The following LRRC7 variants were observed in gnomAD, a reference collection of about 807,000 sequenced individuals.
LRRC7 encodes leucine rich repeat containing 7, also known as leucine-rich repeat-containing protein 7.
A neutral mutation model predicts 175.7 loss-of-function variants in LRRC7; 23 were observed. The observed-to-expected ratio is 0.13, with a 90% CI of 0.09 to 0.19. LRRC7 has a LOEUF of 0.19. LRRC7 is among the 10% of genes least tolerant of loss of function. The pLI is 1.00. For synonymous variants in LRRC7, 685 were observed against 680.9 expected (o/e 1.01, Z -0.09); for missense variants, 1,354 against 1,904.7 (o/e 0.71, Z 5.38).
intron 26 of LRRC7, among the ~76,000 whole-genome samples, chr1:70,118,228 G>C (rs914021778): frequency 3.9e-5 from 6 of 152,014 alleles, no homozygotes; most frequent in African/African-American, 1.4e-4. Flanking sequence ...CAAGATGTAA[G>C]CCTGATAACC....
At chr1:69,831,602 A>G (rs971438889) in intron 5 of LRRC7, among the ~76,000 whole-genome samples, 3 of 152,130 alleles carry the variant, frequency 2.0e-5, no homozygotes, top group Middle Eastern at 3.4e-3. Context: ...TTACCTCTAC[A>G]TTATAAAAAC....
chr1:69,589,257 A>G (rs1346563992), intron 1 of LRRC7, among the ~76,000 whole-genome samples: 1 of 151,740 alleles, frequency 6.6e-6, no homozygotes, highest in African/African-American at 2.4e-5. Flanking sequence ...GAGGTGTCCA[A>G]CCACTGGATC....
chr1:69,636,766 T>G (rs895090075), intron 1 of LRRC7, among the ~76,000 whole-genome samples: 3 of 152,030 alleles, frequency 2.0e-5, no homozygotes, highest in African/African-American at 7.2e-5. Flanking sequence ...CATGTTGAAG[T>G]GGTTGTATTA....
At chr1:69,892,358 A>T (rs1357048000) in intron 7 of LRRC7, among the ~76,000 whole-genome samples, 2 of 152,212 alleles carry the variant, frequency 1.3e-5, no homozygotes, top group African/African-American at 2.4e-5. Flanking sequence ...ACTCTTAAAG[A>T]TTACCTATGT....
chr1:69,811,362 T>C (rs11209548), intron 4 of LRRC7, among the ~76,000 whole-genome samples: 82,333 of 151,950 alleles, frequency 0.54, 22,896 homozygotes, highest in African/African-American at 0.67. Flanking sequence ...GACAGTGTGG[T>C]GATTCCTCAA....
intron 2 of LRRC7, among the ~76,000 whole-genome samples, chr1:69,704,052 A>G (rs942397153): frequency 6.6e-5 from 10 of 152,034 alleles, no homozygotes; most frequent in Non-Finnish European, 2.9e-5. Context: ...AAGAAAATTT[A>G]TAAACTATAC....
At chr1:69,737,014 C>G (rs1668189270) in intron 2 of LRRC7, among the ~76,000 whole-genome samples, 1 of 152,042 alleles carries the variant, frequency 6.6e-6, no homozygotes, top group Non-Finnish European at 1.5e-5. Context: ...CTGCCAGTGC[C>G]AAACTCAAAT....
Position 69,568,276 on chromosome 1 carries a change from G to A in LRRC7, c.-364G>A. ...GGGGCGGGGAGGGAGCTGCGCCTCC[G>A]CCACCGCCGCCGCCGCCGCCGCTGC... On this transcript the variant is annotated 5_prime_UTR_variant, in exon 1 of 27. Coordinates refer to ENST00000651989, the MANE Select transcript of LRRC7 (RefSeq NM_001370785.2). The A allele has an allele frequency of 4.9e-6, 1 of 206,012 alleles. No homozygotes were observed. The highest frequency in any genetic ancestry group is 8.1e-5 in the South Asian group (1 of 12,344). 12.8% of individuals were successfully genotyped at this position (206,012 alleles called of 1,614,324 possible). A position where few individuals can be genotyped will look rare whatever the true frequency, so the allele number is the denominator to read the frequency against.
Position 70,135,613 on chromosome 1 carries a change from A to G in LRRC7, c.*13726A>G, listed in dbSNP as rs1666835795. Among the ~76,000 whole-genome samples, 1 of 152,204 alleles carries G rather than the reference A, an allele frequency of 6.6e-6. No homozygotes were observed. Among genetic ancestry groups the G allele is most frequent in the South Asian group, 2.1e-4 (1 of 4,834 alleles). On this transcript the variant is annotated 3_prime_UTR_variant, in exon 27 of 27. Coordinates refer to ENST00000651989, the MANE Select transcript of LRRC7 (RefSeq NM_001370785.2). The stretch of plus-strand genomic sequence containing the variant: ...TCCAACTGTGTCACCTCCCTGACAA[A>G]TAAGTGAATATCCATCATATTCAAG...
intron 4 of LRRC7, among the ~76,000 whole-genome samples, chr1:69,824,622 G>T (rs1040106259): frequency 1.3e-5 from 2 of 152,088 alleles, no homozygotes; most frequent in Non-Finnish European, 2.9e-5. Context: ...ACCTGTCCTG[G>T]ATTTGACTAC....
At chr1:70,030,742 A>G (rs921594764) in intron 18 of LRRC7, among the ~76,000 whole-genome samples, 19 of 152,260 alleles carry the variant, frequency 1.2e-4, no homozygotes, top group Non-Finnish European at 2.9e-5. Context: ...AGGCATGACC[A>G]GAAGTGGAAA....
rs569744442 is a variant in LRRC7, at chr1:69,604,177, A to G, written c.2+35536A>G. 1.3e-3 allele frequency among the ~76,000 whole-genome samples: 195 copies of G among 152,238 alleles called. 1 individual carries two copies. Among genetic ancestry groups the G allele is most frequent in the Non-Finnish European group, 2.4e-3 (166 of 67,994 alleles). On this transcript the variant is annotated intron_variant, in intron 1 of 26. Coordinates refer to ENST00000651989, the MANE Select transcript of LRRC7 (RefSeq NM_001370785.2). ...TGTTGTTTTCTCTGGGAATTTACGT[A>G]GATGAATTTTTCAAATTCAAAATCT...
intron 25 of LRRC7, among the ~76,000 whole-genome samples, chr1:70,094,224 T>G (rs1315817458): frequency 2.0e-5 from 3 of 152,132 alleles, no homozygotes; most frequent in Non-Finnish European, 4.4e-5. Flanking sequence ...ATATACATAC[T>G]GGGGCATTGG....
intron 3 of LRRC7, among the ~76,000 whole-genome samples, chr1:69,764,730 C>CAGACAGACAGACAGACAGACAGAT (rs1377304958): frequency 6.4e-5 from 9 of 140,414 alleles, no homozygotes; most frequent in Middle Eastern, 3.7e-3. Context: ...GATAGATAGA[C>CAGACAGACAGACAGACAGACAGAT]AGATAGATAG....
chr1:69,662,858 T>C (rs1264889963), intron 1 of LRRC7, among the ~76,000 whole-genome samples: 1 of 152,188 alleles, frequency 6.6e-6, no homozygotes, highest in African/African-American at 2.4e-5. Flanking sequence ...AAACTCTACT[T>C]TCCTTGGAAA....
At chr1:69,662,064 A>T (rs1238231351) in intron 1 of LRRC7, among the ~76,000 whole-genome samples, 2 of 152,142 alleles carry the variant, frequency 1.3e-5, no homozygotes, top group Non-Finnish European at 2.9e-5. Flanking sequence ...AGATTGTAGG[A>T]ATCAGAAAAC....
chr1:69,711,021 C>T (rs1664689631), intron 2 of LRRC7, among the ~76,000 whole-genome samples: 1 of 152,114 alleles, frequency 6.6e-6, no homozygotes, highest in Admixed American at 6.6e-5. Flanking sequence ...CTCACAAGTC[C>T]AGTGTTGAGT....
intron 26 of LRRC7, among the ~76,000 whole-genome samples, chr1:70,119,533 T>A (rs1666082426): frequency 6.7e-6 from 1 of 150,164 alleles, no homozygotes; most frequent in East Asian, 1.9e-4. Flanking sequence ...AAAAAAAAAA[T>A]GCTTAAGTAA....
intron 4 of LRRC7, among the ~76,000 whole-genome samples, chr1:69,813,556 A>T (rs1207952837): frequency 6.6e-6 from 1 of 152,180 alleles, no homozygotes; most frequent in Non-Finnish European, 1.5e-5. Flanking sequence ...GAGAAGAAGC[A>T]TGTCTCATTT....
Sources: allele counts gnomAD v4.1 joint callset (sites outside exome capture counted in the v4.1 genomes callset), GRCh38; gene constraint gnomAD v4.1.1; transcripts MANE v1.5; gene names NCBI Gene and HGNC (gene_info 2026-07-23, HGNC 2026-07-21).